The following SAMTOR variants were observed in gnomAD, a reference collection of about 807,000 sequenced individuals.
The protein encoded by SAMTOR is S-adenosylmethionine sensor upstream of mTORC1.
chr7:112,844,554 G>C, the SAMTOR span, among the ~76,000 whole-genome samples: 54 of 152,100 alleles, frequency 3.6e-4, no homozygotes, highest in African/African-American at 1.3e-3. Flanking sequence ...CCGGAAGGTG[G>C]ATGATCTCTA....
At chr7:112,832,779 T>C in the SAMTOR span, 1 of 664,050 alleles carries the variant, frequency 1.5e-6, no homozygotes, top group Non-Finnish European at 2.6e-6. Context: ...CTTTTACACA[T>C]ATAAAAATTA....
the SAMTOR span, among the ~76,000 whole-genome samples, chr7:112,870,231 C>A: frequency 3.3e-5 from 5 of 152,074 alleles, no homozygotes; most frequent in Non-Finnish European, 5.9e-5. Flanking sequence ...AAATGACCAT[C>A]CCCAAGGCAC....
the SAMTOR span, among the ~76,000 whole-genome samples, chr7:112,935,450 G>A: frequency 5.9e-5 from 9 of 152,064 alleles, no homozygotes; most frequent in Admixed American, 4.6e-4. Flanking sequence ...CATTTTAAGT[G>A]TTTGCTGAAG....
At chr7:112,928,202 C>T in the SAMTOR span, among the ~76,000 whole-genome samples, 4 of 151,946 alleles carry the variant, frequency 2.6e-5, no homozygotes, top group South Asian at 2.1e-4. Flanking sequence ...CATCCAGAAG[C>T]GCAGCTCTAA....
the SAMTOR span, among the ~76,000 whole-genome samples, chr7:112,894,823 G>C: frequency 6.6e-6 from 1 of 152,178 alleles, no homozygotes; most frequent in Non-Finnish European, 1.5e-5. Flanking sequence ...GCCACAGTGA[G>C]TACATGCTAT....
At chr7:112,913,015 A>T in the SAMTOR span, among the ~76,000 whole-genome samples, 1 of 152,232 alleles carries the variant, frequency 6.6e-6, no homozygotes, top group African/African-American at 2.4e-5. Flanking sequence ...TTAAACAGCA[A>T]TAGTACTGAT....
the SAMTOR span, among the ~76,000 whole-genome samples, chr7:112,901,628 C>T: frequency 6.6e-6 from 1 of 152,190 alleles, no homozygotes; most frequent in Non-Finnish European, 1.5e-5. Context: ...TCCACAAAAC[C>T]AGTCCCTAGT....
the SAMTOR span, among the ~76,000 whole-genome samples, chr7:112,842,907 C>A: frequency 6.6e-6 from 1 of 151,870 alleles, no homozygotes; most frequent in African/African-American, 2.4e-5. Flanking sequence ...AGCAGGAGAA[C>A]CTAACTTGAG....
chr7:112,928,861 CCA>C, the SAMTOR span, among the ~76,000 whole-genome samples: 17 of 151,796 alleles, frequency 1.1e-4, no homozygotes, highest in African/African-American at 4.1e-4. Flanking sequence ...AGCTGACAGT[CCA>C]GTCATATCCA....
chr7:112,909,410 T>G, the SAMTOR span, among the ~76,000 whole-genome samples: 3 of 152,202 alleles, frequency 2.0e-5, no homozygotes, highest in Non-Finnish European at 2.9e-5. Context: ...GTTTGACTTT[T>G]GAACCATGTA....
chr7:112,908,743 C>T, the SAMTOR span, among the ~76,000 whole-genome samples: 1,624 of 152,022 alleles, frequency 0.011, 30 homozygotes, highest in African/African-American at 0.037. Flanking sequence ...AGGATAAAAA[C>T]AAAACAAATG....
the SAMTOR span, among the ~76,000 whole-genome samples, chr7:112,910,258 T>G: frequency 1.3e-5 from 2 of 152,168 alleles, no homozygotes; most frequent in Non-Finnish European, 2.9e-5. Context: ...TTGTCCTAAC[T>G]GTAATTGACT....
chr7:112,905,874 C>T, the SAMTOR span, among the ~76,000 whole-genome samples: 8 of 151,892 alleles, frequency 5.3e-5, no homozygotes, highest in South Asian at 8.3e-4. Flanking sequence ...AGCACAGCTA[C>T]GTAATAGACA....
At chr7:112,889,165 C>T in the SAMTOR span, among the ~76,000 whole-genome samples, 1 of 152,098 alleles carries the variant, frequency 6.6e-6, no homozygotes, top group African/African-American at 2.4e-5. Context: ...TGTTCTATGG[C>T]AAATTTTTCA....
chr7:112,896,209 G>A, the SAMTOR span, among the ~76,000 whole-genome samples: 1 of 151,712 alleles, frequency 6.6e-6, no homozygotes, highest in Non-Finnish European at 1.5e-5. Context: ...GCGCACGCGC[G>A]TGTGTGTGTT....
chr7:112,897,879 G>T, the SAMTOR span, among the ~76,000 whole-genome samples: 1 of 152,196 alleles, frequency 6.6e-6, no homozygotes, highest in Non-Finnish European at 1.5e-5. Context: ...AGAGATCACA[G>T]TTCCTACAAG....
At chr7:112,845,100 C>T in the SAMTOR span, among the ~76,000 whole-genome samples, 9 of 152,156 alleles carry the variant, frequency 5.9e-5, no homozygotes, top group African/African-American at 1.9e-4. Context: ...TCAAGATGGA[C>T]TGAAGACTTA....
the SAMTOR span, among the ~76,000 whole-genome samples, chr7:112,872,959 C>CCA: frequency 8.6e-5 from 13 of 150,694 alleles, no homozygotes; most frequent in African/African-American, 3.2e-4. Flanking sequence ...GTGCACACAC[C>CCA]CACACACCCA....
the SAMTOR span, among the ~76,000 whole-genome samples, chr7:112,926,302 T>C: frequency 1.2e-3 from 179 of 152,288 alleles, no homozygotes; most frequent in Non-Finnish European, 1.7e-3. Flanking sequence ...ACTATATACT[T>C]TGAAACTCAA....
Sources: allele counts gnomAD v4.1 joint callset (sites outside exome capture counted in the v4.1 genomes callset), GRCh38; gene constraint gnomAD v4.1.1; transcripts MANE v1.5; gene names NCBI Gene and HGNC (gene_info 2026-07-23, HGNC 2026-07-21).